Variants in PCBD2 observed in about 807,000 individuals in gnomAD.
PCBD2 encodes pterin-4-alpha-carbinolamine dehydratase 2.
PCBD2 carries 12 observed loss-of-function variants against 16.4 expected under a neutral mutation model. That is an observed-to-expected ratio of 0.73 (90% confidence interval 0.47 to 1.19). The LOEUF (loss-of-function observed/expected upper bound fraction) is 1.19, where lower values mean the gene tolerates loss of function less well. Among genes scored for constraint, PCBD2 ranks in the 50% most tolerant of loss-of-function variants. PCBD2 has a pLI of 0.00. For synonymous variants in PCBD2, 58 were observed against 61.8 expected, an observed-to-expected ratio of 0.94 and a Z score of 0.29; for missense variants, 138 against 156.8, an observed-to-expected ratio of 0.88 and a Z score of 0.64.
At chr5:134,947,775 G>GTT (rs555180987) in intron 2 of PCBD2, among the ~76,000 whole-genome samples, 2 of 147,826 alleles carry the variant, frequency 1.4e-5, no homozygotes, top group African/African-American at 5.0e-5. Flanking sequence ...CTATGAAGTC[G>GTT]TTTTTTTTTT....
intron 2 of PCBD2, chr5:134,925,592 C>G: frequency 2.5e-6 from 1 of 397,926 alleles, no homozygotes; most frequent in South Asian, 1.3e-4. Flanking sequence ...AGGGCGCAGA[C>G]TGCTGCGAAC....
rs543994920 is a variant in PCBD2, at chr5:134,934,408, A to T, written c.216+23942A>T. 2.0e-4 allele frequency among the ~76,000 whole-genome samples: 30 copies of T among 152,308 alleles called. No individual in the cohort carries two copies. The South Asian group carries it at 4.8e-3, about 24-fold the overall frequency. ...CTGCTTAGAGATCAGTAATTGTTAC[A>T]TCATGGTTTGGTATGCTCCGTGGTG... is the stretch of plus-strand genomic sequence containing the variant. On this transcript the variant is annotated intron_variant, in intron 2 of 3. Transcript: ENST00000254908.
At chr5:134,905,284 C>T (rs1242545422) in intron 1 of PCBD2, 61 bp downstream of exon 1, 6 of 1,204,126 alleles carry the variant, frequency 5.0e-6, no homozygotes, top group Non-Finnish European at 6.2e-6. Context: ...CGAGGCCCGG[C>T]GGCGTCGGCT....
At chr5:134,925,866 TG>T (rs1750986101) in intron 2 of PCBD2, 1 of 393,658 alleles carries the variant, frequency 2.5e-6, no homozygotes, top group African/African-American at 2.1e-5. Flanking sequence ...TTATTTGTTG[TG>T]GGTCTCATGA....
rs187806629 is a variant in PCBD2 at position 134,914,296 on chromosome 5, T to G, written c.216+3830T>G. Among the ~76,000 whole-genome samples, 763 of 152,026 alleles carry G rather than the reference T, an allele frequency of 5.0e-3. 5 individuals are homozygous for G. The highest frequency in any genetic ancestry group is 7.8e-3 in the Non-Finnish European group (530 of 67,978). On this transcript the variant is annotated intron_variant, in intron 2 of 3. Transcript: ENST00000254908. ...AGCAAGTAGGGGTGGAAGGGAAGAG[T>G]GTTGGAGACCTGGGGAGATAAGAGA...
At chr5:134,920,194 G>A (rs1282854636) in intron 2 of PCBD2, among the ~76,000 whole-genome samples, 1 of 152,098 alleles carries the variant, frequency 6.6e-6, no homozygotes, top group African/African-American at 2.4e-5. Context: ...TTGCGCTTTT[G>A]ATCTAGGTTA....
At chr5:134,916,264 T>C in intron 2 of PCBD2, among the ~76,000 whole-genome samples, 1 of 152,164 alleles carries the variant, frequency 6.6e-6, no homozygotes, top group Non-Finnish European at 1.5e-5. Context: ...CACTCCAGGC[T>C]GAGCGAAAGT....
intron 2 of PCBD2, among the ~76,000 whole-genome samples, chr5:134,939,280 T>C (rs1751196378): frequency 6.6e-6 from 1 of 152,066 alleles, no homozygotes; most frequent in South Asian, 2.1e-4. Flanking sequence ...AGAATTTGTA[T>C]CTTATTACAA....
At chr5:134,950,896 T>C (rs1353756937) in intron 2 of PCBD2, among the ~76,000 whole-genome samples, 3 of 152,204 alleles carry the variant, frequency 2.0e-5, no homozygotes, top group Admixed American at 2.0e-4. Context: ...AACTATGCTG[T>C]AAATTGGCAC....
intron 2 of PCBD2, among the ~76,000 whole-genome samples, chr5:134,913,005 C>T (rs1307206256): frequency 6.6e-6 from 1 of 152,094 alleles, no homozygotes; most frequent in Non-Finnish European, 1.5e-5. Context: ...TTTTATTTTT[C>T]TCTGTTCTCT....
chr5:134,950,982 A>G (rs1457227693), intron 2 of PCBD2, among the ~76,000 whole-genome samples: 1 of 152,210 alleles, frequency 6.6e-6, no homozygotes, highest in Non-Finnish European at 1.5e-5. Flanking sequence ...GAACCAGGTT[A>G]TGTACATTAA....
intron 2 of PCBD2, chr5:134,926,987 G>C: frequency 5.0e-6 from 2 of 398,356 alleles, no homozygotes; most frequent in Non-Finnish European, 8.8e-6. Flanking sequence ...GTGGGAGTAG[G>C]GTTTGAAGTC....
At chr5:134,941,118 G>GAAAAAAAAAAAAAAAA (rs764468793) in intron 2 of PCBD2, among the ~76,000 whole-genome samples, 1 of 80,212 alleles carries the variant, frequency 1.2e-5, no homozygotes, top group Non-Finnish European at 2.5e-5. Flanking sequence ...CCATCTCAAG[G>GAAAAAAAAAAAAAAAA]AAAAAAAAAA....
At position 134,962,072 on chromosome 5, in the gene PCBD2, T is replaced by TTGTGTGTGTGTGTGTGTGTGTG. The variant is rs58911694; in HGVS notation, c.*1405_*1426dup. On this transcript the variant is annotated 3_prime_UTR_variant, in exon 4 of 4. Coordinates refer to ENST00000254908, the MANE Select transcript of PCBD2 (RefSeq NM_032151.5). ...CATTGCCCCCAGCCAGTATAACAGT[T>TTGTGTGTGTGTGTGTGTGTGTG]TGTGTGTGTGTGTGTGTGTGTGTGT... Among the ~76,000 whole-genome samples the TTGTGTGTGTGTGTGTGTGTGTG allele has an allele frequency of 2.5e-3, 352 of 140,568 alleles. 2 individuals are homozygous for TTGTGTGTGTGTGTGTGTGTGTG. The highest frequency in any genetic ancestry group is 9.0e-3 in the African/African-American group (332 of 37,042). 92.2% of individuals were successfully genotyped at this position (140,568 alleles called of 152,430 possible). A position where few individuals can be genotyped will look rare whatever the true frequency, so the allele number is the denominator to read the frequency against.
intron 1 of PCBD2, among the ~76,000 whole-genome samples, chr5:134,910,125 A>G (rs904445405): frequency 6.6e-6 from 1 of 152,184 alleles, no homozygotes; most frequent in African/African-American, 2.4e-5. Context: ...AGGCAGCAGT[A>G]AGGGAGCCAG....
At chr5:134,924,752 G>A in intron 2 of PCBD2, 1 of 394,942 alleles carries the variant, frequency 2.5e-6, no homozygotes, top group Non-Finnish European at 4.5e-6. Flanking sequence ...GCGGAGATTT[G>A]GTGTTGTGAG....
chr5:134,953,136 A>G (rs1329683451), intron 2 of PCBD2, among the ~76,000 whole-genome samples: 1 of 151,404 alleles, frequency 6.6e-6, no homozygotes, highest in African/African-American at 2.4e-5. Context: ...GGTTGGATTT[A>G]TGTTCTTTAC....
chr5:134,909,351 A>G (rs898074237), intron 1 of PCBD2, among the ~76,000 whole-genome samples: 1 of 152,268 alleles, frequency 6.6e-6, no homozygotes, highest in Non-Finnish European at 1.5e-5. Flanking sequence ...GACCCCCAGA[A>G]GTTAGATAAA....
chr5:134,947,880 A>C (rs1455306070), intron 2 of PCBD2, among the ~76,000 whole-genome samples: 1 of 152,126 alleles, frequency 6.6e-6, no homozygotes, highest in Non-Finnish European at 1.5e-5. Context: ...AAACTAACTA[A>C]ACTTTGGTAA....
Sources: allele counts gnomAD v4.1 joint callset (sites outside exome capture counted in the v4.1 genomes callset), GRCh38; gene constraint gnomAD v4.1.1; transcripts MANE v1.5; gene names NCBI Gene and HGNC (gene_info 2026-07-23, HGNC 2026-07-21).